The following ABCF1 variants were observed in gnomAD, a reference collection of about 807,000 sequenced individuals.
ABCF1 encodes the protein ATP-binding cassette sub-family F member 1.
A neutral mutation model predicts 126.3 loss-of-function variants in ABCF1; 73 were observed. The observed-to-expected ratio is 0.58, with a 90% CI of 0.48 to 0.70. The LOEUF is 0.70. ABCF1 is among the 30% of genes least tolerant of loss of function. The pLI, the probability that ABCF1 is intolerant of heterozygous loss-of-function variation, is 0.00. For synonymous variants in ABCF1, 345 were observed against 396.4 expected (o/e 0.87, Z 1.54); for missense variants, 786 against 1,057.5 (o/e 0.74, Z 3.56).
At chr6:30,572,785 GC>G (rs1314251934) in intron 1 of ABCF1, among the ~76,000 whole-genome samples, 1 of 152,232 alleles carries the variant, frequency 6.6e-6, no homozygotes, top group Non-Finnish European at 1.5e-5. Context: ...ACAGGCGTGA[GC>G]CACTACATCT....
At position 30,582,366 on chromosome 6, in the gene ABCF1, AG is replaced by A. The variant is rs766848427; in HGVS notation, c.679-27del. The A allele has an allele frequency of 1.0e-4, 147 of 1,476,140 alleles. 1 individual carries two copies. The Admixed American group carries it at 2.6e-3, about 26-fold the overall frequency. The allele number at this position is 1,476,140 out of a possible 1,614,324, so 91.4% of individuals were successfully genotyped here. On this transcript the variant is annotated intron_variant, in intron 8 of 24. Transcript: ENST00000326195. ...CCACCGCGCCCAGCCAGGAGTCCCT[AG>A]TTTTGACCATCCCCGGGTTCTCACA...
chr6:30,587,441 TG>T (rs2127416961), intron 20 of ABCF1, among the ~76,000 whole-genome samples: 1 of 152,002 alleles, frequency 6.6e-6, no homozygotes, highest in South Asian at 2.1e-4. Flanking sequence ...GTCAGGAGTT[TG>T]AGACCAACAT....
chr6:30,590,942 C>T lies in ABCF1; in HGVS notation c.*241C>T. Reference sequence around the variant, plus strand: ...TGAGCTGGCCTTATCCTTGGCATCCCCCTAAACAAACAAGAGGTGACCACC... The same window carrying T: ...TGAGCTGGCCTTATCCTTGGCATCCTCCTAAACAAACAAGAGGTGACCACC... On this transcript the variant is annotated 3_prime_UTR_variant, in exon 25 of 25. Coordinates refer to ENST00000326195, the MANE Select transcript of ABCF1 (RefSeq NM_001025091.2). 1 of 468,130 alleles carries T rather than the reference C, an allele frequency of 2.1e-6. No homozygotes were observed. Among genetic ancestry groups the T allele is most frequent in the Non-Finnish European group, 3.7e-6 (1 of 269,894 alleles). 29.0% of individuals were successfully genotyped at this position (468,130 alleles called of 1,614,324 possible).
intron 6 of ABCF1, among the ~76,000 whole-genome samples, chr6:30,578,953 T>C (rs904678945): frequency 1.3e-5 from 2 of 152,012 alleles, no homozygotes; most frequent in African/African-American, 4.8e-5. Flanking sequence ...TGAGCTGAGA[T>C]TGAGGCACTG....
chr6:30,580,360 G>GAAAAAAAAAAAA (rs71533814), intron 7 of ABCF1, 46 bp from the exon 8 acceptor site: 1 of 927,282 alleles, frequency 1.1e-6, no homozygotes, highest in Non-Finnish European at 1.5e-6. Context: ...AAAAAAAAAA[G>GAAAAAAAAAAAA]AAAAAAAAAA....
In ABCF1 at chr6:30,583,278, G is replaced by T; in HGVS notation, c.915+90G>T. The T allele has an allele frequency of 6.7e-7, 1 of 1,492,020 alleles. No individual in the cohort carries two copies. Among genetic ancestry groups the T allele is most frequent in the Non-Finnish European group, 9.1e-7 (1 of 1,104,532 alleles). The allele number at this position is 1,492,020 out of a possible 1,614,324, so 92.4% of individuals were successfully genotyped here. A position where few individuals can be genotyped will look rare whatever the true frequency, so the allele number is the denominator to read the frequency against. On this transcript the variant is annotated intron_variant, in intron 10 of 24. Transcript: ENST00000326195. This position sits in a 1 kb window ranked among gnomAD's most constrained non-coding sequence, Gnocchi z 4.1. ...CTGAGTGGCTGTGGTGTGTGAATGG[G>T]TTAGTTCAGTGGGAAGAAAGATTGG...
At chr6:30,580,084 C>T (rs543266888) in intron 7 of ABCF1, 79 bp downstream of exon 7, 27 of 1,422,294 alleles carry the variant, frequency 1.9e-5, no homozygotes, top group Admixed American at 5.8e-5. Flanking sequence ...CGGTGGCTCA[C>T]GCCTGTAATC....
chr6:30,590,348 C>T lies in ABCF1; in HGVS notation c.2341C>T (p.Leu781=). 6.2e-7 allele frequency: 1 copy of T among 1,611,388 alleles called. No individual in the cohort carries two copies. The highest frequency in any genetic ancestry group is 8.5e-7 in the Non-Finnish European group (1 of 1,178,996). The change falls in exon 24 of 25, where the codon CTA becomes TTA. Residue 781 remains leucine (L), a synonymous_variant. Transcript: ENST00000326195. ...NNLDIESIDA[L]GEAINEYKGA... ...CCTGGACATAGAGTCTATTGATGCT[C>T]TAGGGGAGGCCATCAATGAATACAA...
intron 3 of ABCF1, 33 bp from the exon 4 acceptor site, chr6:30,578,043 T>G: frequency 6.2e-7 from 1 of 1,613,976 alleles, no homozygotes; most frequent in Middle Eastern, 1.7e-4. Context: ...GGGCCTGGGC[T>G]TCATTTTCTC....
intron 20 of ABCF1, among the ~76,000 whole-genome samples, chr6:30,588,143 C>T (rs200422578): frequency 1.4e-4 from 22 of 152,188 alleles, no homozygotes; most frequent in Admixed American, 9.2e-4. Flanking sequence ...CCTTGTGATC[C>T]GCCCGCCTCA....
chr6:30,591,054 A>T lies in ABCF1; in HGVS notation c.*353A>T, dbSNP rs571755835. ...CAGAAGCCTGCCTCTGATTTACCCT[A>T]CAGCTTCAGGCCCAGCTGCCCCCCA... On this transcript the variant is annotated 3_prime_UTR_variant, in exon 25 of 25. Transcript: ENST00000326195. The T allele has an allele frequency of 1.3e-3, 300 of 238,340 alleles. 1 individual carries two copies. The highest frequency in any genetic ancestry group is 2.0e-3 in the Non-Finnish European group (247 of 124,802). The allele number at this position is 238,340 out of a possible 1,614,324, so 14.8% of individuals were successfully genotyped here. A position where few individuals can be genotyped will look rare whatever the true frequency, so the allele number is the denominator to read the frequency against.
chr6:30,580,360 GAAA>G (rs71533814), intron 7 of ABCF1, 43 bp from the exon 8 acceptor site: 68 of 1,016,184 alleles, frequency 6.7e-5, no homozygotes, highest in African/African-American at 9.7e-5. Context: ...AAAAAAAAAA[GAAA>G]AAAAAAAAAA....
rs1801389502 is a variant in ABCF1, at chr6:30,574,256, G to T, written c.73+2696G>T. Among the ~76,000 whole-genome samples, 1 of 151,848 alleles carries T rather than the reference G, an allele frequency of 6.6e-6. No individual in the cohort carries two copies. The highest frequency in any genetic ancestry group is 1.5e-5 in the Non-Finnish European group (1 of 67,940). Reference sequence around the variant, plus strand: ...CTCAAGCCATCTTCCCTTGTAGCTGGGACTACAGGCACACACCGCCATGCC... The same window carrying T: ...CTCAAGCCATCTTCCCTTGTAGCTGTGACTACAGGCACACACCGCCATGCC... On this transcript the variant is annotated intron_variant, in intron 1 of 24. Transcript: ENST00000326195. This position sits in a 1 kb window ranked among gnomAD's most constrained non-coding sequence, Gnocchi z 4.3.
At position 30,584,087 on chromosome 6, in the gene ABCF1, A is replaced by G. The variant is rs1801976607; in HGVS notation, c.1103-105A>G. ...AGAGTGTTTTATTTGGAACAAGTAC[A>G]AAGAGCTGGGCAGGGTCAGGCAAAA... is the stretch of plus-strand genomic sequence containing the variant. On this transcript the variant is annotated intron_variant, in intron 12 of 24. Transcript: ENST00000326195. The surrounding 1 kb of genome is among the most constrained non-coding windows in gnomAD (Gnocchi z 4.6). The G allele has an allele frequency of 7.3e-6, 11 of 1,500,394 alleles. No individual in the cohort carries two copies. The highest frequency in any genetic ancestry group is 9.9e-6 in the Non-Finnish European group (11 of 1,115,024). 92.9% of individuals were successfully genotyped at this position (1,500,394 alleles called of 1,614,324 possible). A position where few individuals can be genotyped will look rare whatever the true frequency, so the allele number is the denominator to read the frequency against.
Position 30,586,434 on chromosome 6 carries a change from A to C in ABCF1, c.1886-40A>C. 1 of 1,611,854 alleles carries C rather than the reference A, an allele frequency of 6.2e-7. No homozygotes were observed. The highest frequency in any genetic ancestry group is 8.5e-7 in the Non-Finnish European group (1 of 1,177,954). On this transcript the variant is annotated intron_variant, in intron 18 of 24. Coordinates refer to ENST00000326195, the MANE Select transcript of ABCF1 (RefSeq NM_001025091.2). This position sits in a 1 kb window ranked among gnomAD's most constrained non-coding sequence, Gnocchi z 4.9. ...AGCACATGAGAGGGACTTTGCAGGGACTGAAAAGAATATAAATTGCTTCTT... is the reference window on the plus strand; with the variant it reads ...AGCACATGAGAGGGACTTTGCAGGGCCTGAAAAGAATATAAATTGCTTCTT...
chr6:30,582,330 A>G (rs554067064), intron 8 of ABCF1, 64 bp from the exon 9 acceptor site: 52 of 1,012,584 alleles, frequency 5.1e-5, no homozygotes, highest in Non-Finnish European at 7.2e-5. Flanking sequence ...TGCTGGGATT[A>G]CAGGCGTGAG....
intron 14 of ABCF1, 74 bp from the exon 15 acceptor site, chr6:30,585,186 C>T: frequency 7.5e-7 from 1 of 1,336,360 alleles, no homozygotes; most frequent in Non-Finnish European, 1.1e-6. Context: ...GGCTCTATCT[C>T]CGAGTTTTCT....
At chr6:30,590,273 GCAGTGCT>G in intron 23 of ABCF1, 26 bp from the exon 24 acceptor site, 1 of 1,611,998 alleles carries the variant, frequency 6.2e-7, no homozygotes, top group Non-Finnish European at 8.5e-7. Context: ...GACGGGAGTT[GCAGTGCT>G]CAGTCATGGA....
intron 1 of ABCF1, among the ~76,000 whole-genome samples, chr6:30,576,511 A>T (rs553899291): frequency 6.6e-6 from 1 of 150,396 alleles, no homozygotes; most frequent in East Asian, 1.9e-4. Flanking sequence ...CTAGTCTTGA[A>T]CTCCTGACCT....
Sources: allele counts gnomAD v4.1 joint callset (sites outside exome capture counted in the v4.1 genomes callset), GRCh38; gene constraint gnomAD v4.1.1; non-coding constraint Gnocchi (gnomAD v3.1); transcripts MANE v1.5; gene names NCBI Gene and HGNC (gene_info 2026-07-23, HGNC 2026-07-21).